Variants in FMN1 observed in about 807,000 individuals in gnomAD.
The protein encoded by FMN1 is formin 1.
Under a neutral mutation model 132.4 loss-of-function variants are expected in FMN1, and 110 were observed. The observed-to-expected ratio is 0.83, with a 90% CI of 0.71 to 0.97. The LOEUF (loss-of-function observed/expected upper bound fraction) is 0.97, where lower values mean the gene tolerates loss of function less well. Among genes scored for constraint, FMN1 ranks in the 50% least tolerant of loss-of-function variants. The pLI, the probability that FMN1 is intolerant of heterozygous loss-of-function variation, is 0.00. For missense variants in FMN1, 1,792 were observed against 1,705.3 expected (o/e 1.05, Z -0.90); for synonymous variants, 722 against 651.7 (o/e 1.11, Z -1.64).
intron 6 of FMN1, chr15:33,013,103 G>A (rs1019203180): frequency 2.4e-6 from 1 of 411,498 alleles, no homozygotes; most frequent in Non-Finnish European, 4.8e-6. Context: ...TAGGAGAGTA[G>A]AGCCAGAGAA....
At chr15:33,041,349 T>C (rs1246707274) in intron 6 of FMN1, among the ~76,000 whole-genome samples, 7 of 150,166 alleles carry the variant, frequency 4.7e-5, no homozygotes, top group Non-Finnish European at 1.0e-4. Flanking sequence ...ATGTCTACTA[T>C]TCACTTCTTG....
intron 17 of FMN1, among the ~76,000 whole-genome samples, chr15:32,849,486 T>A (rs527350199): frequency 6.6e-6 from 1 of 152,274 alleles, no homozygotes. Flanking sequence ...AAAAGATGCT[T>A]AGTATTCCAA....
At chr15:33,132,580 A>T (rs112531076) in intron 4 of FMN1, among the ~76,000 whole-genome samples, 1 of 152,156 alleles carries the variant, frequency 6.6e-6, no homozygotes, top group Admixed American at 6.5e-5. Flanking sequence ...ATATGCATGT[A>T]TTATACCCAG....
chr15:33,027,464 T>C (rs2035733415), intron 6 of FMN1, among the ~76,000 whole-genome samples: 1 of 152,164 alleles, frequency 6.6e-6, no homozygotes, highest in Non-Finnish European at 1.5e-5. Context: ...CTGTATGCAA[T>C]GGGCCAGGAA....
At chr15:32,876,106 G>A (rs1382006432) in intron 16 of FMN1, among the ~76,000 whole-genome samples, 2 of 152,166 alleles carry the variant, frequency 1.3e-5, no homozygotes, top group African/African-American at 4.8e-5. Context: ...TAATGAACTT[G>A]CCAAATTAAT....
At chr15:32,910,370 G>A in intron 11 of FMN1, 104 bp downstream of exon 11, 1 of 898,928 alleles carries the variant, frequency 1.1e-6, no homozygotes, top group Non-Finnish European at 1.8e-6. Flanking sequence ...ATCTCTTCCA[G>A]GCCACGTCAA....
At chr15:32,800,240 T>C (rs965018833) in intron 18 of FMN1, among the ~76,000 whole-genome samples, 1 of 152,244 alleles carries the variant, frequency 6.6e-6, no homozygotes, top group African/African-American at 2.4e-5. Context: ...AGAATAAATC[T>C]GTTTTTAATG....
intron 6 of FMN1, among the ~76,000 whole-genome samples, chr15:33,008,491 C>T (rs1404502153): frequency 3.3e-5 from 5 of 151,212 alleles, no homozygotes; most frequent in Non-Finnish European, 3.0e-5. Context: ...CTATTTTTAA[C>T]TCTGTTTCAA....
intron 6 of FMN1, among the ~76,000 whole-genome samples, chr15:33,026,309 G>GT (rs1202162999): frequency 6.6e-6 from 1 of 151,318 alleles, no homozygotes; most frequent in East Asian, 1.9e-4. Flanking sequence ...AAAAGCTTAA[G>GT]TATAGATGGT....
At chr15:32,919,157 T>TTG (rs533364406) in intron 10 of FMN1, among the ~76,000 whole-genome samples, 1 of 151,544 alleles carries the variant, frequency 6.6e-6, no homozygotes, top group East Asian at 1.9e-4. Context: ...CATATTGTGA[T>TTG]GGGGGGGGTA....
intron 5 of FMN1, among the ~76,000 whole-genome samples, chr15:33,065,983 C>T (rs1307817010): frequency 1.3e-5 from 2 of 152,194 alleles, no homozygotes; most frequent in Non-Finnish European, 1.5e-5. Context: ...GTTACCCAGC[C>T]AGTAAATGGC....
At chr15:33,087,995 T>C (rs2038764841) in intron 5 of FMN1, among the ~76,000 whole-genome samples, 1 of 152,052 alleles carries the variant, frequency 6.6e-6, no homozygotes, top group South Asian at 2.1e-4. Flanking sequence ...CACTCATAAG[T>C]GGGAGCTAAG....
chr15:33,002,481 C>G (rs2034174324), intron 7 of FMN1, among the ~76,000 whole-genome samples: 1 of 152,144 alleles, frequency 6.6e-6, no homozygotes, highest in Non-Finnish European at 1.5e-5. Flanking sequence ...GTTTTACGAA[C>G]AGCATCTATT....
At chr15:32,808,184 T>A (rs1241854299) in intron 17 of FMN1, among the ~76,000 whole-genome samples, 1 of 152,232 alleles carries the variant, frequency 6.6e-6, no homozygotes, top group Non-Finnish European at 1.5e-5. Context: ...CTGAAGTTCA[T>A]AGTTCCACAG....
At chr15:33,024,267 T>A (rs182950) in intron 6 of FMN1, among the ~76,000 whole-genome samples, 54,628 of 130,664 alleles carry the variant, frequency 0.42, 11,723 homozygotes, top group Admixed American at 0.52. Context: ...TTTTTTGAGA[T>A]GTGGAGTCTC....
intron 4 of FMN1, among the ~76,000 whole-genome samples, chr15:33,134,333 G>T (rs1475839091): frequency 6.6e-6 from 1 of 152,174 alleles, no homozygotes; most frequent in Non-Finnish European, 1.5e-5. Flanking sequence ...CCACTGGATG[G>T]CCCAGGGATG....
chr15:32,968,123 G>C, intron 8 of FMN1, among the ~76,000 whole-genome samples: 1 of 152,138 alleles, frequency 6.6e-6, no homozygotes, highest in East Asian at 1.9e-4. Flanking sequence ...AGGGCATCAA[G>C]ACATAAAGGA....
intron 6 of FMN1, among the ~76,000 whole-genome samples, chr15:33,054,698 G>A (rs2037137015): frequency 6.6e-6 from 1 of 152,176 alleles, no homozygotes; most frequent in Admixed American, 6.5e-5. Context: ...AGAAATGAGG[G>A]ATCCCACCAT....
chr15:32,888,362 T>C, intron 15 of FMN1, 70 bp from the exon 16 acceptor site: 1 of 1,355,612 alleles, frequency 7.4e-7, no homozygotes, highest in Non-Finnish European at 9.9e-7. Context: ...TTCCAAAGCA[T>C]CAATGAGAAA....
Sources: allele counts gnomAD v4.1 joint callset (sites outside exome capture counted in the v4.1 genomes callset), GRCh38; gene constraint gnomAD v4.1.1; transcripts MANE v1.5; gene names NCBI Gene and HGNC (gene_info 2026-07-23, HGNC 2026-07-21).